The following NRG1 variants were observed in gnomAD, a reference collection of about 807,000 sequenced individuals.
NRG1 encodes neuregulin 1, also known as pro-neuregulin-1, membrane-bound isoform.
A neutral mutation model predicts 63.8 loss-of-function variants in NRG1; 18 were observed. The observed-to-expected ratio is 0.28, with a 90% confidence interval of 0.19 to 0.42. The LOEUF is 0.42. Among genes scored for constraint, NRG1 ranks in the 10% least tolerant of loss-of-function variants. The pLI, the probability that NRG1 is intolerant of heterozygous loss-of-function variation, is 1.00. For missense variants in NRG1, 762 were observed against 814.7 expected (o/e 0.94, Z 0.79); for synonymous variants, 302 against 301.3 (o/e 1.00, Z -0.02).
At chr8:32,277,781 G>T (rs1852264942) in intron 1 of NRG1, among the ~76,000 whole-genome samples, 1 of 152,148 alleles carries the variant, frequency 6.6e-6, no homozygotes, top group Non-Finnish European at 1.5e-5. Flanking sequence ...CATAACAGAG[G>T]ATCGTTCATT....
intron 1 of NRG1, among the ~76,000 whole-genome samples, chr8:31,896,405 G>C (rs17680540): frequency 0.086 from 13,063 of 152,236 alleles, 762 homozygotes; most frequent in Middle Eastern, 0.19. Flanking sequence ...GGGGACCCCA[G>C]GGTACTGCAC....
intron 1 of NRG1, among the ~76,000 whole-genome samples, chr8:32,510,527 C>G (rs542412134): frequency 1.3e-5 from 2 of 152,048 alleles, no homozygotes; most frequent in Non-Finnish European, 2.9e-5. Context: ...AAAAAGTACC[C>G]AGAAGTCGCA....
intron 1 of NRG1, among the ~76,000 whole-genome samples, chr8:32,444,071 T>TTCCC (rs199835236): frequency 5.3e-5 from 8 of 150,500 alleles, no homozygotes; most frequent in African/African-American, 1.5e-4. Flanking sequence ...TCTCTTTCTC[T>TTCCC]TCCCTCCCTC....
intron 1 of NRG1, among the ~76,000 whole-genome samples, chr8:32,144,243 AG>A (rs775760844): frequency 1.3e-5 from 2 of 152,222 alleles, no homozygotes; most frequent in Non-Finnish European, 2.9e-5. Context: ...ATGACAATGT[AG>A]GAAAACAAAA....
chr8:32,198,259 C>A (rs1487920457), intron 1 of NRG1, among the ~76,000 whole-genome samples: 2 of 152,108 alleles, frequency 1.3e-5, no homozygotes, highest in Non-Finnish European at 2.9e-5. Flanking sequence ...CTCACTGCAA[C>A]CTCTGCCTCC....
At position 31,914,410 on chromosome 8, in the gene NRG1, G is replaced by GTTT. The variant is rs139903551; in HGVS notation, c.37+274989_37+274991dup. Among the ~76,000 whole-genome samples the GTTT allele has an allele frequency of 7.8e-4, 113 of 144,124 alleles. 1 individual carries two copies. The highest frequency in any genetic ancestry group is 2.7e-3 in the African/African-American group (104 of 39,096). The allele number at this position is 144,124 out of a possible 152,430, so 94.6% of individuals were successfully genotyped here. On this transcript the variant is annotated intron_variant, in intron 1 of 10. Transcript: ENST00000519301. The stretch of plus-strand genomic sequence containing the variant: ...GAAGAAATTTCCTGGCCAGTTTTTG[G>GTTT]TTTTTTTTTTTTGAAGATGACTGCT...
In NRG1 at chr8:32,359,071, A is replaced by G. The variant is rs1434743905; in HGVS notation, c.38-236757A>G. Among the ~76,000 whole-genome samples, 8 of 152,226 alleles carry G rather than the reference A, an allele frequency of 5.3e-5. No homozygotes were observed. In the South Asian group the frequency reaches 1.0e-3, roughly 20 times the overall value. ...GCCCTCCTTGTAGCTTTGCCCTGCT[A>G]GAGAGATGGTGGGTGGACAATTACT... is the stretch of plus-strand genomic sequence containing the variant. On this transcript the variant is annotated intron_variant, in intron 1 of 10. Coordinates refer to the NRG1 transcript ENST00000519301.
At chr8:31,761,647 A>C (rs962932057) in intron 1 of NRG1, among the ~76,000 whole-genome samples, 6 of 152,124 alleles carry the variant, frequency 3.9e-5, no homozygotes, top group Non-Finnish European at 7.3e-5. Flanking sequence ...TAGAACACAC[A>C]TAACATTTGT....
chr8:32,388,213 G>A (rs1811266516), intron 1 of NRG1, among the ~76,000 whole-genome samples: 2 of 152,142 alleles, frequency 1.3e-5, no homozygotes, highest in African/African-American at 4.8e-5. Context: ...GAACTTTTAA[G>A]GGTTGTGAAC....
intron 5 of NRG1, among the ~76,000 whole-genome samples, chr8:32,659,911 A>G (rs77663919): frequency 0.043 from 6,497 of 151,856 alleles, 470 homozygotes; most frequent in African/African-American, 0.15. Flanking sequence ...AGATGATGGG[A>G]CCCCTCTTCT....
At chr8:32,162,027 G>C (rs913489697) in intron 1 of NRG1, among the ~76,000 whole-genome samples, 3 of 152,086 alleles carry the variant, frequency 2.0e-5, no homozygotes, top group Non-Finnish European at 4.4e-5. Flanking sequence ...GATGAGATTG[G>C]TTCAAAAAAT....
intron 1 of NRG1, among the ~76,000 whole-genome samples, chr8:32,388,539 G>C (rs1164232417): frequency 1.3e-5 from 2 of 152,180 alleles, no homozygotes; most frequent in African/African-American, 4.8e-5. Flanking sequence ...AGGTCACAGA[G>C]TGTAGTTGCC....
At chr8:32,356,502 C>T (rs1445291287) in intron 1 of NRG1, among the ~76,000 whole-genome samples, 1 of 151,092 alleles carries the variant, frequency 6.6e-6, no homozygotes, top group Admixed American at 6.6e-5. Flanking sequence ...GGGCCCCACC[C>T]CGTTGATATC....
chr8:32,363,855 G>A (rs1807573130), intron 1 of NRG1, among the ~76,000 whole-genome samples: 1 of 152,170 alleles, frequency 6.6e-6, no homozygotes, highest in East Asian at 1.9e-4. Flanking sequence ...ATTGGGAGGA[G>A]TTATTTACAA....
intron 1 of NRG1, among the ~76,000 whole-genome samples, chr8:32,019,518 T>C (rs1816107183): frequency 6.6e-6 from 1 of 152,252 alleles, no homozygotes; most frequent in African/African-American, 2.4e-5. Flanking sequence ...TGTCTTTTGA[T>C]GTACAAAATT....
chr8:31,740,893 G>A lies in NRG1; in HGVS notation c.37+101462G>A, dbSNP rs140878452. On this transcript the variant is annotated intron_variant, in intron 1 of 10. Transcript: ENST00000519301. ...GTATATATTCAAAAGAAAACAAATC[G>A]TTTTACCAAAAAGATACATGCACTT... 3.8e-3 allele frequency among the ~76,000 whole-genome samples: 581 copies of A among 151,916 alleles called. 5 individuals are homozygous for A. Among genetic ancestry groups the A allele is most frequent in the African/African-American group, 0.013 (533 of 41,460 alleles).
intron 1 of NRG1, among the ~76,000 whole-genome samples, chr8:32,064,399 T>C (rs35269892): frequency 0.34 from 51,457 of 151,896 alleles, 9,607 homozygotes; most frequent in East Asian, 0.65. Flanking sequence ...ATTTGTTCCC[T>C]AGACTGTGAT....
At chr8:32,743,096 A>G (rs1218166858) in intron 7 of NRG1, 2 of 1,041,588 alleles carry the variant, frequency 1.9e-6, no homozygotes, top group African/African-American at 1.7e-5. Flanking sequence ...TGAACAGTCC[A>G]TCTTCTTTAT....
At chr8:32,445,700 T>C (rs1026099045) in intron 1 of NRG1, among the ~76,000 whole-genome samples, 1 of 152,236 alleles carries the variant, frequency 6.6e-6, no homozygotes. Flanking sequence ...CTCATTTTTA[T>C]CTTCTTATGA....
Sources: allele counts gnomAD v4.1 joint callset (sites outside exome capture counted in the v4.1 genomes callset), GRCh38; gene constraint gnomAD v4.1.1; transcripts MANE v1.5; gene names NCBI Gene and HGNC (gene_info 2026-07-23, HGNC 2026-07-21).